UNC5C: variants seen among roughly 807,000 people sequenced by gnomAD.
UNC5C encodes unc-5 netrin receptor C, also known as netrin receptor UNC5C.
Under a neutral mutation model 99.8 loss-of-function variants are expected in UNC5C, and 47 were observed. That is an observed-to-expected ratio of 0.47 (90% CI 0.37 to 0.60). UNC5C has a LOEUF of 0.60. UNC5C is among the 20% of genes least tolerant of loss of function. The pLI, the probability that UNC5C is intolerant of heterozygous loss-of-function variation, is 0.00. For missense variants in UNC5C, 1,062 were observed against 1,165.9 expected, an observed-to-expected ratio of 0.91 and a Z score of 1.30; for synonymous variants, 487 against 452.2, an observed-to-expected ratio of 1.08 and a Z score of -0.98.
intron 7 of UNC5C, among the ~76,000 whole-genome samples, chr4:95,220,755 A>C (rs1738442122): frequency 6.6e-6 from 1 of 152,180 alleles, no homozygotes; most frequent in Non-Finnish European, 1.5e-5. Flanking sequence ...TAAATTTGAA[A>C]GGTGTGCTTT....
At chr4:95,181,914 C>T (rs1433065116) in intron 14 of UNC5C, among the ~76,000 whole-genome samples, 3 of 152,174 alleles carry the variant, frequency 2.0e-5, no homozygotes, top group East Asian at 1.9e-4. Flanking sequence ...CATGACACAA[C>T]GAGGGAGAGG....
At chr4:95,444,172 T>C (rs927090690) in intron 1 of UNC5C, among the ~76,000 whole-genome samples, 1 of 152,324 alleles carries the variant, frequency 6.6e-6, no homozygotes, top group Admixed American at 6.5e-5. Context: ...GGTTCTACAG[T>C]GAAAACTGCA....
In UNC5C at chr4:95,219,883, A is replaced by G. The variant is rs1245802562; in HGVS notation, c.1300+102T>C. 3.9e-6 allele frequency: 5 copies of G among 1,286,090 alleles called. No individual in the cohort carries two copies. The Admixed American group carries it at 9.4e-5, about 24-fold the overall frequency. 79.7% of individuals were successfully genotyped at this position (1,286,090 alleles called of 1,614,324 possible). ...AAAATTAACTCAAATTGCTGTCTTC[A>G]TGGAGCTTACATTCTAGCTGAATGA... On this transcript the variant is annotated intron_variant, in intron 8 of 15. Coordinates refer to ENST00000453304, the MANE Select transcript of UNC5C (RefSeq NM_003728.4).
chr4:95,185,666 CAAAT>C (rs1431805208), intron 12 of UNC5C, among the ~76,000 whole-genome samples: 6 of 151,986 alleles, frequency 3.9e-5, no homozygotes, highest in Non-Finnish European at 7.4e-5. Context: ...AACCAAACAA[CAAAT>C]AAAAAATTAG....
At chr4:95,454,157 C>T (rs1044694494) in intron 1 of UNC5C, among the ~76,000 whole-genome samples, 24 of 152,090 alleles carry the variant, frequency 1.6e-4, no homozygotes, top group Non-Finnish European at 3.2e-4. Context: ...TTATGTGTTA[C>T]GCGAATTTCA....
chr4:95,330,061 A>G (rs1246085164), intron 2 of UNC5C, among the ~76,000 whole-genome samples: 5 of 152,098 alleles, frequency 3.3e-5, no homozygotes, highest in Non-Finnish European at 5.9e-5. Flanking sequence ...TGAATAAACT[A>G]TTTTCCTCAC....
chr4:95,280,763 A>C (rs1741028913), intron 3 of UNC5C, among the ~76,000 whole-genome samples: 1 of 152,132 alleles, frequency 6.6e-6, no homozygotes, highest in African/African-American at 2.4e-5. Context: ...AGTTATCTAA[A>C]CCATGTCATT....
At chr4:95,331,918 C>T (rs1000518508) in intron 2 of UNC5C, among the ~76,000 whole-genome samples, 3 of 152,046 alleles carry the variant, frequency 2.0e-5, no homozygotes, top group African/African-American at 7.2e-5. Context: ...CATTCTTATA[C>T]ACCAACAACA....
At chr4:95,530,498 C>T (rs538864637) in intron 1 of UNC5C, among the ~76,000 whole-genome samples, 351 of 152,254 alleles carry the variant, frequency 2.3e-3, no homozygotes, top group African/African-American at 7.7e-3. Context: ...CAAAACACTA[C>T]CAAGGCAATT....
chr4:95,518,917 G>C (rs1274377860), intron 1 of UNC5C, among the ~76,000 whole-genome samples: 4 of 152,126 alleles, frequency 2.6e-5, no homozygotes, highest in Non-Finnish European at 5.9e-5. Context: ...TTGGAATAAA[G>C]TTAAAGTATT....
At chr4:95,462,465 T>C (rs1267308025) in intron 1 of UNC5C, among the ~76,000 whole-genome samples, 1 of 152,136 alleles carries the variant, frequency 6.6e-6, no homozygotes, top group Admixed American at 6.6e-5. Context: ...CTAAAATCAC[T>C]CTAGTGCAGA....
intron 2 of UNC5C, among the ~76,000 whole-genome samples, chr4:95,318,752 C>G: frequency 6.6e-6 from 1 of 152,296 alleles, no homozygotes; most frequent in Non-Finnish European, 1.5e-5. Flanking sequence ...TTTTAATTCA[C>G]TTAAGCCTGA....
intron 1 of UNC5C, among the ~76,000 whole-genome samples, chr4:95,349,264 C>A (rs1018545146): frequency 1.4e-5 from 2 of 147,588 alleles, no homozygotes; most frequent in African/African-American, 5.0e-5. Flanking sequence ...TACTCTGAAC[C>A]CACAAAAATT....
At chr4:95,500,381 T>C (rs1196600270) in intron 1 of UNC5C, among the ~76,000 whole-genome samples, 1 of 152,072 alleles carries the variant, frequency 6.6e-6, no homozygotes, top group East Asian at 1.9e-4. Context: ...ATGGCCCTTG[T>C]GCTTATACAA....
chr4:95,548,961 C>T lies in UNC5C; in HGVS notation c.-104G>A, dbSNP rs1723156590. 2 of 1,455,602 alleles carry T rather than the reference C, an allele frequency of 1.4e-6. No individual in the cohort carries two copies. The highest frequency in any genetic ancestry group is 1.9e-6 in the Non-Finnish European group (2 of 1,069,556). The allele number at this position is 1,455,602 out of a possible 1,614,324, so 90.2% of individuals were successfully genotyped here. ...CTGAATCCGTGCACCGCGAAGCAGTCCGAAGAAATAACGACAACCAAGCGC... is the reference window on the plus strand; with the variant it reads ...CTGAATCCGTGCACCGCGAAGCAGTTCGAAGAAATAACGACAACCAAGCGC... On this transcript the variant is annotated 5_prime_UTR_variant, in exon 1 of 16. Coordinates refer to ENST00000453304, the MANE Select transcript of UNC5C (RefSeq NM_003728.4).
intron 1 of UNC5C, among the ~76,000 whole-genome samples, chr4:95,449,956 C>T (rs1487090387): frequency 1.3e-5 from 2 of 152,132 alleles, no homozygotes; most frequent in South Asian, 2.1e-4. Context: ...GAAAATCTGG[C>T]CCGTACCCAA....
intron 1 of UNC5C, among the ~76,000 whole-genome samples, chr4:95,522,180 T>C (rs995153769): frequency 6.6e-6 from 1 of 152,046 alleles, no homozygotes; most frequent in Non-Finnish European, 1.5e-5. Context: ...TATTATTTAT[T>C]TCTATATATT....
intron 1 of UNC5C, among the ~76,000 whole-genome samples, chr4:95,339,048 A>G (rs1039029391): frequency 6.6e-6 from 1 of 152,082 alleles, no homozygotes; most frequent in Non-Finnish European, 1.5e-5. Context: ...CACTTCATGG[A>G]AAGTCTGAAA....
chr4:95,201,140 A>AAGTT, intron 12 of UNC5C, among the ~76,000 whole-genome samples: 1 of 152,224 alleles, frequency 6.6e-6, no homozygotes, highest in East Asian at 1.9e-4. Context: ...TGTGAGAAAT[A>AAGTT]AGTTTGTTGT....
Sources: allele counts gnomAD v4.1 joint callset (sites outside exome capture counted in the v4.1 genomes callset), GRCh38; gene constraint gnomAD v4.1.1; transcripts MANE v1.5; gene names NCBI Gene and HGNC (gene_info 2026-07-23, HGNC 2026-07-21).